The following RAPGEF5 variants were observed in gnomAD, a reference collection of about 807,000 sequenced individuals.
RAPGEF5 encodes the protein Rap guanine nucleotide exchange factor 5.
A neutral mutation model predicts 125.2 loss-of-function variants in RAPGEF5; 65 were observed. The observed-to-expected ratio is 0.52, with a 90% CI of 0.43 to 0.64. The LOEUF (loss-of-function observed/expected upper bound fraction) is 0.64, where lower values mean the gene tolerates loss of function less well. Among genes scored for constraint, RAPGEF5 ranks in the 30% least tolerant of loss-of-function variants. RAPGEF5 has a pLI of 0.00. For missense variants in RAPGEF5, 958 were observed against 1,048.1 expected, an observed-to-expected ratio of 0.91 and a Z score of 1.19; for synonymous variants, 391 against 385.9, an observed-to-expected ratio of 1.01 and a Z score of -0.16.
intron 5 of RAPGEF5, among the ~76,000 whole-genome samples, chr7:22,291,487 T>G (rs936549153): frequency 2.0e-5 from 3 of 152,156 alleles, no homozygotes; most frequent in Non-Finnish European, 2.9e-5. Context: ...CGATGGGGTA[T>G]TACTCACCCC....
At chr7:22,329,119 C>T (rs562339875) in intron 1 of RAPGEF5, among the ~76,000 whole-genome samples, 8 of 152,116 alleles carry the variant, frequency 5.3e-5, no homozygotes, top group Admixed American at 1.3e-4. Context: ...TTTTAGAATG[C>T]TCTCAATTTT....
chr7:22,209,524 C>A (rs368078845), intron 9 of RAPGEF5, among the ~76,000 whole-genome samples: 7 of 152,316 alleles, frequency 4.6e-5, no homozygotes, highest in Admixed American at 6.5e-5. Context: ...TTCCCCCCCA[C>A]CATTTTTAGA....
intron 1 of RAPGEF5, among the ~76,000 whole-genome samples, chr7:22,327,418 G>A (rs1406891354): frequency 6.6e-6 from 1 of 152,200 alleles, no homozygotes. Flanking sequence ...TAAATGTCCA[G>A]TGTCCAACAT....
In RAPGEF5 at chr7:22,357,008, G is replaced by C. The variant is rs1285183361; in HGVS notation, c.53C>G (p.Ala18Gly). Residue 18 changes from alanine (A) to glycine (G), a missense_variant, in exon 1 of 26, where the codon GCC becomes GGC. By Grantham distance (60) the Ala-to-Gly change is moderately conservative. Transcript: ENST00000665637. ...CACCACCGCCGCCGCGGCGGCCAGG[G>C]CCGGGCTCTCGCACGGCGGCTGCAT... is the stretch of plus-strand genomic sequence containing the variant. ...VKMQPPCESP[A>G]LAAAAAVVAA... The C allele has an allele frequency of 5.2e-5, 53 of 1,026,500 alleles. No individual in the cohort carries two copies. Among genetic ancestry groups the C allele is most frequent in the Non-Finnish European group, 5.7e-5 (49 of 858,722 alleles). The allele number at this position is 1,026,500 out of a possible 1,614,324, so 63.6% of individuals were successfully genotyped here. A position where few individuals can be genotyped will look rare whatever the true frequency, so the allele number is the denominator to read the frequency against.
At chr7:22,194,816 GC>G in intron 9 of RAPGEF5, 1 of 952,610 alleles carries the variant, frequency 1.0e-6, no homozygotes, top group South Asian at 4.8e-5. Flanking sequence ...AGTGTGGCCC[GC>G]TGACGTGGCT....
intron 11 of RAPGEF5, among the ~76,000 whole-genome samples, chr7:22,173,354 C>A (rs1583446065): frequency 6.6e-6 from 1 of 152,218 alleles, no homozygotes; most frequent in South Asian, 2.1e-4. Context: ...CTTTTTACTA[C>A]AGCTCTTAAA....
chr7:22,224,997 T>A (rs746080213), intron 8 of RAPGEF5, among the ~76,000 whole-genome samples: 34 of 152,142 alleles, frequency 2.2e-4, no homozygotes, highest in Non-Finnish European at 5.9e-5. Context: ...ATCCTAAATA[T>A]AAACTTTTCT....
intron 1 of RAPGEF5, among the ~76,000 whole-genome samples, chr7:22,337,395 T>C (rs551405603): frequency 6.6e-6 from 1 of 152,232 alleles, no homozygotes; most frequent in Non-Finnish European, 1.5e-5. Flanking sequence ...TCTTAGGTTC[T>C]ACAACAGTAA....
In RAPGEF5 at chr7:22,140,039, A is replaced by G; in HGVS notation, c.2263T>C (p.Ser755Pro). The G allele has an allele frequency of 1.3e-6, 2 of 1,566,646 alleles. No individual in the cohort carries two copies. Among genetic ancestry groups the G allele is most frequent in the Non-Finnish European group, 1.7e-6 (2 of 1,155,154 alleles). The change falls in exon 21 of 26, where the codon TCG becomes CCG. Residue 755 changes from serine to proline, a missense_variant. Transcript: ENST00000665637. Reference protein sequence around the residue: ...GLNTASVSRLSQTWEKIPGKF... With the variant: ...GLNTASVSRLPQTWEKIPGKF... ...CCAAGGCTCACCTCCCAGGTCTGCG[A>G]CAGTCGACTGACAGAAGCAGTGTTG...
chr7:22,329,366 ACTAGGG>A (rs1289016037), intron 1 of RAPGEF5, among the ~76,000 whole-genome samples: 7 of 152,188 alleles, frequency 4.6e-5, no homozygotes, highest in African/African-American at 1.7e-4. Flanking sequence ...AAAGTAGATA[ACTAGGG>A]AATCAGTCAA....
intron 7 of RAPGEF5, among the ~76,000 whole-genome samples, chr7:22,240,870 T>A (rs1282108111): frequency 6.6e-6 from 1 of 152,204 alleles, no homozygotes; most frequent in Non-Finnish European, 1.5e-5. Flanking sequence ...TGTAAAAGAT[T>A]TATTTCAGCC....
Position 22,251,775 on chromosome 7 carries a change from CAA to C in RAPGEF5, c.796+15187_796+15188del, listed in dbSNP as rs58681076. Among the ~76,000 whole-genome samples, 233 of 73,334 alleles carry C rather than the reference CAA, an allele frequency of 3.2e-3. 4 individuals are homozygous for C. The South Asian group carries it at 0.034, about 11-fold the overall frequency. The allele number at this position is 73,334 out of a possible 152,430, so 48.1% of individuals were successfully genotyped here. On this transcript the variant is annotated intron_variant, in intron 7 of 25. Transcript: ENST00000665637. ...GAGCCCTGCCAGGAAGTTTCATTGA[CAA>C]AAAAAAAAAAAAAAAAAAAAAAGTG... is the stretch of plus-strand genomic sequence containing the variant.
intron 9 of RAPGEF5, among the ~76,000 whole-genome samples, chr7:22,219,297 C>T (rs1004358652): frequency 2.6e-5 from 4 of 151,874 alleles, no homozygotes; most frequent in Non-Finnish European, 5.9e-5. Context: ...GCGGAACGTC[C>T]CTTTCCTCCA....
intron 23 of RAPGEF5, among the ~76,000 whole-genome samples, chr7:22,135,207 C>T (rs1783042771): frequency 6.6e-6 from 1 of 152,132 alleles, no homozygotes; most frequent in Non-Finnish European, 1.5e-5. Flanking sequence ...TGGGGCCTGG[C>T]TTAGCAGAAG....
intron 9 of RAPGEF5, among the ~76,000 whole-genome samples, chr7:22,210,997 T>A (rs1308730702): frequency 6.6e-6 from 1 of 152,174 alleles, no homozygotes; most frequent in African/African-American, 2.4e-5. Context: ...AAACAAGAAC[T>A]TGGTCATGTT....
At chr7:22,256,978 T>A (rs558275939) in intron 7 of RAPGEF5, among the ~76,000 whole-genome samples, 2 of 152,370 alleles carry the variant, frequency 1.3e-5, no homozygotes, top group African/African-American at 4.8e-5. Context: ...GATTTTTTAC[T>A]AAGCTTACAG....
Position 22,145,210 on chromosome 7 carries a change from A to G in RAPGEF5, c.2020T>C (p.Tyr674His), listed in dbSNP as rs374824449. 6.6e-5 allele frequency: 107 copies of G among 1,611,626 alleles called. No homozygotes were observed. The highest frequency in any genetic ancestry group is 7.8e-5 in the Non-Finnish European group (92 of 1,178,790). The change falls in exon 20 of 26, where the codon TAC becomes CAC. Residue 674 changes from tyrosine (Y) to histidine (H), a missense_variant. Physicochemically the swap from Tyr to His is moderately conservative, Grantham distance 83. Coordinates refer to ENST00000665637, the MANE Select transcript of RAPGEF5 (RefSeq NM_012294.5). ...FNSIHEQELIYFTFSRQGSGE... is the reference protein window; with the variant it reads ...FNSIHEQELIHFTFSRQGSGE... ...CTTCCCTGTCTGCTGAACGTGAAGT[A>G]GATCAGCTCTTGCTGAAAGAAAATG...
intron 9 of RAPGEF5, among the ~76,000 whole-genome samples, chr7:22,218,278 A>G (rs1446716025): frequency 6.6e-6 from 1 of 152,178 alleles, no homozygotes; most frequent in East Asian, 1.9e-4. Context: ...TAATAAGTGC[A>G]AAGTTGTTTT....
chr7:22,268,984 CA>C (rs1184805319), intron 6 of RAPGEF5, among the ~76,000 whole-genome samples: 3 of 151,964 alleles, frequency 2.0e-5, no homozygotes, highest in Non-Finnish European at 4.4e-5. Flanking sequence ...GAGAGACAGG[CA>C]GTGAGAAAGG....
Sources: allele counts gnomAD v4.1 joint callset (sites outside exome capture counted in the v4.1 genomes callset), GRCh38; gene constraint gnomAD v4.1.1; transcripts MANE v1.5; gene names NCBI Gene and HGNC (gene_info 2026-07-23, HGNC 2026-07-21).